Variants in CCDC149 observed in about 807,000 individuals in gnomAD.
CCDC149 encodes coiled-coil domain-containing protein 149.
Under a neutral mutation model 59.9 loss-of-function variants are expected in CCDC149, and 45 were observed. The observed-to-expected ratio is 0.75, with a 90% CI of 0.59 to 0.96. The LOEUF (loss-of-function observed/expected upper bound fraction) is 0.96, where lower values mean the gene tolerates loss of function less well. Among genes scored for constraint, CCDC149 ranks in the 40% least tolerant of loss-of-function variants. CCDC149 has a pLI of 0.00. For missense variants in CCDC149, 584 were observed against 664.7 expected (o/e 0.88, Z 1.33); for synonymous variants, 245 against 260.6 (o/e 0.94, Z 0.58).
At chr4:24,875,921 A>C (rs1466975402) in intron 2 of CCDC149, among the ~76,000 whole-genome samples, 1 of 152,180 alleles carries the variant, frequency 6.6e-6, no homozygotes, top group Non-Finnish European at 1.5e-5. Flanking sequence ...GGTACCTGAG[A>C]TCAACCATGG....
intron 1 of CCDC149, among the ~76,000 whole-genome samples, chr4:24,922,960 C>A (rs1391754817): frequency 6.6e-6 from 1 of 151,914 alleles, no homozygotes; most frequent in Non-Finnish European, 1.5e-5. Context: ...CAAGATTGAT[C>A]ACCAGCAAAA....
intron 1 of CCDC149, among the ~76,000 whole-genome samples, chr4:24,896,326 A>G (rs181299500): frequency 1.4e-4 from 21 of 152,368 alleles, no homozygotes; most frequent in Admixed American, 8.5e-4. Flanking sequence ...AACTTTTGGC[A>G]GAGTGCCTGA....
At chr4:24,951,131 G>A (rs1158508495) in intron 1 of CCDC149, among the ~76,000 whole-genome samples, 8 of 152,240 alleles carry the variant, frequency 5.3e-5, no homozygotes, top group Admixed American at 5.2e-4. Context: ...GGTTCCGTGG[G>A]TGCCCAGGCT....
chr4:24,853,864 C>T (rs1052194606), intron 3 of CCDC149, among the ~76,000 whole-genome samples: 2 of 152,154 alleles, frequency 1.3e-5, no homozygotes, highest in Non-Finnish European at 2.9e-5. Context: ...AGAAGAAATG[C>T]AACAGTTTCC....
At chr4:24,898,105 T>C (rs1436549070) in intron 1 of CCDC149, among the ~76,000 whole-genome samples, 1 of 152,188 alleles carries the variant, frequency 6.6e-6, no homozygotes, top group Non-Finnish European at 1.5e-5. Context: ...CATGGCATCA[T>C]GTTGACAGTC....
At chr4:24,803,938 T>C (rs1332205867), downstream of CCDC149, among the ~76,000 whole-genome samples, 5 of 152,234 alleles carry the variant, frequency 3.3e-5, no homozygotes, top group Admixed American at 3.3e-4. The surrounding 1 kb of genome is among the most constrained non-coding windows in gnomAD (Gnocchi z 4.3). Context: ...GGGTCTTTCC[T>C]ATTTTTTCTG....
At chr4:24,948,397 T>C (rs1723184929) in intron 1 of CCDC149, among the ~76,000 whole-genome samples, 1 of 152,156 alleles carries the variant, frequency 6.6e-6, no homozygotes, top group Non-Finnish European at 1.5e-5. Flanking sequence ...GTAGGAGGCT[T>C]TTTGCTCATG....
chr4:24,838,222 G>A lies in CCDC149; in HGVS notation c.423C>T (p.Gly141=), dbSNP rs761415926. 2.1e-5 allele frequency: 34 copies of A among 1,614,024 alleles called. No homozygotes were observed. The East Asian group carries it at 4.7e-4, about 22-fold the overall frequency. The change falls in exon 5 of 13, where the codon GGC becomes GGT. Residue 141 remains glycine, a synonymous_variant. Transcript: ENST00000635206. Reference sequence around the variant, plus strand: ...GCTCATGGGCTGCAAAGTGTCGCACGCCGATTGCTTCGTCTCCGAGCCTTT... The same window carrying A: ...GCTCATGGGCTGCAAAGTGTCGCACACCGATTGCTTCGTCTCCGAGCCTTT...
intron 3 of CCDC149, among the ~76,000 whole-genome samples, chr4:24,866,647 C>T (rs944890274): frequency 6.6e-6 from 1 of 152,084 alleles, no homozygotes; most frequent in East Asian, 1.9e-4. Context: ...TTCTTCACAG[C>T]TTCTTTAACG....
At chr4:24,823,566 T>C (rs1715543282) in intron 9 of CCDC149, among the ~76,000 whole-genome samples, 1 of 152,262 alleles carries the variant, frequency 6.6e-6, no homozygotes, top group Non-Finnish European at 1.5e-5. Flanking sequence ...TTTCAATTCC[T>C]TTCAGCAAGA....
At chr4:24,804,572 AT>A (rs1334039434), downstream of CCDC149, among the ~76,000 whole-genome samples, 1 of 151,694 alleles carries the variant, frequency 6.6e-6, no homozygotes, top group Non-Finnish European at 1.5e-5. Context: ...AGGGCACCCC[AT>A]TTTTTTGGAG....
At chr4:24,917,434 C>T (rs1722161638), upstream of CCDC149, among the ~76,000 whole-genome samples, 1 of 152,128 alleles carries the variant, frequency 6.6e-6, no homozygotes, top group Admixed American at 6.5e-5. Context: ...CAGGCTTGAG[C>T]GTGATTGGCT....
chr4:24,833,611 G>C (rs535370573), intron 8 of CCDC149, among the ~76,000 whole-genome samples: 2 of 151,492 alleles, frequency 1.3e-5, no homozygotes, highest in South Asian at 4.2e-4. Flanking sequence ...GCAACAGAGT[G>C]AGACTGTCTC....
chr4:24,931,829 G>GAATATATATGTATATATATATA (rs1553862489), intron 1 of CCDC149, among the ~76,000 whole-genome samples: 1 of 76,908 alleles, frequency 1.3e-5, no homozygotes, highest in Non-Finnish European at 2.4e-5. Flanking sequence ...TGGAGAGTAT[G>GAATATATATGTATATATATATA]TATATATATA....
chr4:24,867,240 C>A (rs566683681), intron 3 of CCDC149, among the ~76,000 whole-genome samples: 1 of 152,332 alleles, frequency 6.6e-6, no homozygotes, highest in South Asian at 2.1e-4. Flanking sequence ...GCTTTACAAA[C>A]ACATCTCAAT....
rs186481137 is a variant in CCDC149 at position 24,874,869 on chromosome 4, T to C, written c.226-1150A>G. On this transcript the variant is annotated intron_variant, in intron 2 of 12. Coordinates refer to ENST00000635206, the MANE Select transcript of CCDC149 (RefSeq NM_001330643.2). ...AAGAATGAAAACTAGCATTATGCAGTTGGCATTCTCCATTTCAGTATCATT... is the reference window on the plus strand; with the variant it reads ...AAGAATGAAAACTAGCATTATGCAGCTGGCATTCTCCATTTCAGTATCATT... Among the ~76,000 whole-genome samples, 6 of 152,350 alleles carry C rather than the reference T, an allele frequency of 3.9e-5. No individual in the cohort carries two copies. The East Asian group carries it at 5.8e-4, about 15-fold the overall frequency.
At chr4:24,966,306 G>A (rs140327756) in intron 1 of CCDC149, among the ~76,000 whole-genome samples, 2,912 of 152,162 alleles carry the variant, frequency 0.019, 87 homozygotes, top group African/African-American at 0.066. Flanking sequence ...ATGGGTATGC[G>A]GCAGGCTATG....
chr4:24,938,101 G>GAA (rs1163024559), intron 1 of CCDC149, among the ~76,000 whole-genome samples: 1 of 152,080 alleles, frequency 6.6e-6, no homozygotes, highest in Non-Finnish European at 1.5e-5. Context: ...TAATCAGGGT[G>GAA]AAATTACCAT....
At chr4:24,892,608 G>A (rs1720592132) in intron 1 of CCDC149, among the ~76,000 whole-genome samples, 5 of 152,142 alleles carry the variant, frequency 3.3e-5, no homozygotes, top group Admixed American at 2.6e-4. Context: ...CACTGTTCTG[G>A]GCAGTTTTTC....
Sources: allele counts gnomAD v4.1 joint callset (sites outside exome capture counted in the v4.1 genomes callset), GRCh38; gene constraint gnomAD v4.1.1; non-coding constraint Gnocchi (gnomAD v3.1); transcripts MANE v1.5; gene names NCBI Gene and HGNC (gene_info 2026-07-23, HGNC 2026-07-21).